MED13: variants seen among roughly 807,000 people sequenced by gnomAD.
The protein encoded by MED13 is mediator of RNA polymerase II transcription subunit 13.
Under a neutral mutation model 225.2 loss-of-function variants are expected in MED13, and 23 were observed. That is an observed-to-expected ratio of 0.10 (90% CI 0.07 to 0.14). The LOEUF (loss-of-function observed/expected upper bound fraction) is 0.14, where lower values mean the gene tolerates loss of function less well. MED13 is among the 10% of genes least tolerant of loss of function. The pLI, the probability that MED13 is intolerant of heterozygous loss-of-function variation, is 1.00. For synonymous variants in MED13, 942 were observed against 889.2 expected (o/e 1.06, Z -1.06); for missense variants, 2,197 against 2,594.5 (o/e 0.85, Z 3.33).
In MED13 at chr17:61,982,326, C is replaced by G. The variant is rs756671012; in HGVS notation, c.3677G>C (p.Arg1226Pro). 2 of 1,614,242 alleles carry G rather than the reference C, an allele frequency of 1.2e-6. No homozygotes were observed. The highest frequency in any genetic ancestry group is 4.5e-5 in the East Asian group (2 of 44,886). Residue 1226 changes from arginine to proline, a missense_variant, in exon 16 of 30, where the codon CGT becomes CCT. Arg to Pro is a moderately radical substitution (Grantham distance 103). Around this residue, in one of 12 missense-constraint regions of MED13, gnomAD observed 203 missense variants for 209.7 expected, o/e 0.97. Transcript: ENST00000397786. ...AAGGTAGCAGTCATTGCAACAGTCA[C>G]GCTCTTCAACACGTACCCAATTGCT... is the stretch of plus-strand genomic sequence containing the variant. ...VISNWVRVEE[R>P]DCCNDCYLAL... is the part of the protein sequence containing the mutation.
intron 8 of MED13, among the ~76,000 whole-genome samples, chr17:62,011,951 T>C (rs958046103): frequency 1.3e-5 from 2 of 152,184 alleles, no homozygotes; most frequent in Non-Finnish European, 2.9e-5. Context: ...GCATGGTGGC[T>C]GACACCTGCA....
intron 3 of MED13, among the ~76,000 whole-genome samples, chr17:62,044,457 C>G (rs1341720626): frequency 1.3e-5 from 2 of 152,178 alleles, no homozygotes; most frequent in African/African-American, 4.8e-5. Flanking sequence ...AAATTTATCA[C>G]TCTCTATGGA....
At chr17:61,984,452 C>G (rs775400275) in intron 14 of MED13, 85 bp from the exon 15 acceptor site, 14 of 1,095,634 alleles carry the variant, frequency 1.3e-5, no homozygotes, top group Non-Finnish European at 1.7e-5. Context: ...GACCTTTTTT[C>G]CTTTCTTTAA....
At position 61,943,922 on chromosome 17, in the gene MED13, C is replaced by G. The variant is rs1338578121; in HGVS notation, c.*2546G>C. The G allele has an allele frequency of 6.6e-6, 1 of 152,538 alleles. No homozygotes were observed. Among genetic ancestry groups the G allele is most frequent in the Admixed American group, 6.5e-5 (1 of 15,274 alleles). 9.4% of individuals were successfully genotyped at this position (152,538 alleles called of 1,614,324 possible). ...CACTGCTATAAAGTATAATATTTTG[C>G]TTACCTATTTAAACAAAACTACCCA... is the stretch of plus-strand genomic sequence containing the variant. On this transcript the variant is annotated 3_prime_UTR_variant, in exon 30 of 30. Transcript: ENST00000397786.
chr17:61,961,112 T>A (rs1333680949), intron 22 of MED13, 22 bp from the exon 23 acceptor site: 1 of 1,525,658 alleles, frequency 6.6e-7, no homozygotes, highest in Non-Finnish European at 9.0e-7. Flanking sequence ...AAAATTAAGG[T>A]ATTATCATAC....
At chr17:62,040,160 C>CT (rs1027632223) in intron 3 of MED13, among the ~76,000 whole-genome samples, 2 of 152,102 alleles carry the variant, frequency 1.3e-5, no homozygotes, top group African/African-American at 2.4e-5. Context: ...TTCAGACTTG[C>CT]TTTTTTTCCA....
At chr17:62,002,227 C>T (rs2080401523) in intron 9 of MED13, among the ~76,000 whole-genome samples, 1 of 152,080 alleles carries the variant, frequency 6.6e-6, no homozygotes, top group African/African-American at 2.4e-5. Context: ...CGGTGGCTCA[C>T]TCCTGTAATC....
chr17:61,947,693 T>G (rs2079862255), intron 28 of MED13, among the ~76,000 whole-genome samples: 1 of 152,246 alleles, frequency 6.6e-6, no homozygotes, highest in Non-Finnish European at 1.5e-5. Context: ...CACAGATGCC[T>G]GCTTTGCCCA....
At chr17:61,987,203 G>C in intron 11 of MED13, 75 bp from the exon 12 acceptor site, 1 of 983,052 alleles carries the variant, frequency 1.0e-6, no homozygotes. Context: ...TTGGGAGGCC[G>C]AGGAGGGTGG....
At chr17:62,033,719 T>C in intron 5 of MED13, 68 bp downstream of exon 5, 1 of 1,446,230 alleles carries the variant, frequency 6.9e-7, no homozygotes, top group Non-Finnish European at 9.5e-7. Context: ...TGTTTGTTAT[T>C]CAGCAAAATA....
rs563520337 is a variant in MED13, at chr17:61,995,380, T to TA, written c.1968-16dup. 8.2e-4 allele frequency: 1,271 copies of TA among 1,545,466 alleles called. 2 individuals carry two copies. The highest frequency in any genetic ancestry group is 1.0e-3 in the Non-Finnish European group (1,146 of 1,147,772). On this transcript the variant is annotated splice_polypyrimidine_tract_variant and intron_variant, in intron 9 of 29. Transcript: ENST00000397786. ...GCACCATTAACCTGCATAAAAAAAT[T>TA]AAAAAAAATTAATTATCCACATAAG...
At chr17:62,056,057 A>G (rs2080994170) in intron 2 of MED13, among the ~76,000 whole-genome samples, 1 of 152,182 alleles carries the variant, frequency 6.6e-6, no homozygotes, top group African/African-American at 2.4e-5. Flanking sequence ...TATGGCAAGC[A>G]ACTAAGCAAC....
intron 9 of MED13, among the ~76,000 whole-genome samples, chr17:62,008,742 A>G (rs541971143): frequency 2.6e-5 from 4 of 152,138 alleles, no homozygotes; most frequent in Non-Finnish European, 5.9e-5. Flanking sequence ...AGGCAAAACC[A>G]AAAAGAAGCC....
chr17:61,943,854 AAG>A lies in MED13; in HGVS notation c.*2612_*2613del, dbSNP rs2079832886. The A allele has an allele frequency of 6.6e-6, 1 of 152,604 alleles. No individual in the cohort carries two copies. Among genetic ancestry groups the A allele is most frequent in the Non-Finnish European group, 1.5e-5 (1 of 68,000 alleles). 9.5% of individuals were successfully genotyped at this position (152,604 alleles called of 1,614,324 possible). A position where few individuals can be genotyped will look rare whatever the true frequency, so the allele number is the denominator to read the frequency against. ...AATCATGGATACCTGCACAAAAAAAAAGATGTTAGCACTGTAACAAAGAAGTC... is the reference window on the plus strand; with the variant it reads ...AATCATGGATACCTGCACAAAAAAAAATGTTAGCACTGTAACAAAGAAGTC... On this transcript the variant is annotated 3_prime_UTR_variant, in exon 30 of 30. Coordinates refer to ENST00000397786, the MANE Select transcript of MED13 (RefSeq NM_005121.3).
At chr17:62,049,930 C>CAAAAAAA (rs544006035) in intron 3 of MED13, among the ~76,000 whole-genome samples, 2 of 96,260 alleles carry the variant, frequency 2.1e-5, no homozygotes, top group Non-Finnish European at 2.0e-5. Flanking sequence ...GCTCTGTCTC[C>CAAAAAAA]AAAAAAAAAA....
At chr17:61,993,789 A>G (rs1029235485) in intron 10 of MED13, among the ~76,000 whole-genome samples, 1 of 151,624 alleles carries the variant, frequency 6.6e-6, no homozygotes, top group Non-Finnish European at 1.5e-5. Context: ...AAATTAGCCG[A>G]GCGTAGTGGC....
chr17:62,018,316 A>C (rs1311039021), intron 8 of MED13, among the ~76,000 whole-genome samples: 1 of 152,224 alleles, frequency 6.6e-6, no homozygotes, highest in Non-Finnish European at 1.5e-5. Context: ...TTAACAGTAC[A>C]AGAATAAAAA....
At chr17:61,965,699 G>T (rs1490388708) in intron 19 of MED13, among the ~76,000 whole-genome samples, 2 of 152,064 alleles carry the variant, frequency 1.3e-5, no homozygotes, top group Admixed American at 6.6e-5. Flanking sequence ...CAAAATTAAA[G>T]AAATGATTAC....
At position 61,993,946 on chromosome 17, in the gene MED13, AAC is replaced by A. The variant is rs1421899202; in HGVS notation, c.2181+1204_2181+1205del. ...AACTCCGTCTCAAAACAAACAAACA[AAC>A]AAAAAAAAAAACTCACACGTATTAT... is the stretch of plus-strand genomic sequence containing the variant. On this transcript the variant is annotated intron_variant, in intron 10 of 29. Coordinates refer to ENST00000397786, the MANE Select transcript of MED13 (RefSeq NM_005121.3). Among the ~76,000 whole-genome samples, 62 of 117,252 alleles carry A rather than the reference AAC, an allele frequency of 5.3e-4. No homozygotes were observed. The East Asian group carries it at 0.011, about 21-fold the overall frequency. 76.9% of individuals were successfully genotyped at this position (117,252 alleles called of 152,430 possible).
Sources: gnomAD v4.1 joint callset for allele counts (sites outside exome capture counted in the v4.1 genomes callset) on GRCh38, gnomAD v4.1.1 for gene constraint, gnomAD v4.1.1 regional missense constraint, MANE v1.5 for transcripts, NCBI Gene and HGNC (gene_info 2026-07-23, HGNC 2026-07-21) for gene names.